Variants in UBR3 observed in about 807,000 individuals in gnomAD.
UBR3 encodes E3 ubiquitin-protein ligase UBR3.
UBR3 carries 85 observed loss-of-function variants against 243.2 expected under a neutral mutation model. The ratio of observed to expected loss-of-function variants is 0.35; its 90% CI spans 0.29 to 0.42. The LOEUF (loss-of-function observed/expected upper bound fraction) is 0.42. UBR3 is among the 10% of genes least tolerant of loss of function. The pLI is 1.00. For synonymous variants in UBR3, 748 were observed against 799.8 expected, an observed-to-expected ratio of 0.94 and a Z score of 1.09; for missense variants, 1,686 against 2,300.8, an observed-to-expected ratio of 0.73 and a Z score of 5.47.
intron 19 of UBR3, among the ~76,000 whole-genome samples, chr2:169,940,388 T>TA (rs1439486031): frequency 6.6e-6 from 1 of 152,192 alleles, no homozygotes; most frequent in Non-Finnish European, 1.5e-5. Context: ...CATAGCGCCT[T>TA]AAAATGTCTG....
At chr2:169,964,521 G>A (rs1247553281) in intron 24 of UBR3, 15 of 458,966 alleles carry the variant, frequency 3.3e-5, no homozygotes, top group South Asian at 1.6e-4. Flanking sequence ...AAGGAGGAAA[G>A]AATGGATGGA....
intron 36 of UBR3, among the ~76,000 whole-genome samples, chr2:170,073,975 G>T (rs2091753425): frequency 6.6e-6 from 1 of 152,098 alleles, no homozygotes; most frequent in Non-Finnish European, 1.5e-5. Context: ...AAATCTAAAA[G>T]GTCATGTCTT....
intron 1 of UBR3, among the ~76,000 whole-genome samples, chr2:169,869,857 A>T (rs1218188659): frequency 6.6e-6 from 1 of 152,094 alleles, no homozygotes; most frequent in Non-Finnish European, 1.5e-5. Flanking sequence ...TTTCTGTTGA[A>T]TTCCTTTATT....
At chr2:170,053,322 T>A (rs1449717987) in intron 32 of UBR3, among the ~76,000 whole-genome samples, 2 of 152,236 alleles carry the variant, frequency 1.3e-5, no homozygotes, top group Admixed American at 1.3e-4. Flanking sequence ...AGTACCTGCA[T>A]GACCCCAGTA....
At chr2:170,053,779 G>C (rs2091275357) in intron 32 of UBR3, among the ~76,000 whole-genome samples, 1 of 152,216 alleles carries the variant, frequency 6.6e-6, no homozygotes, top group South Asian at 2.1e-4. Context: ...GCAAGTTTTT[G>C]ACTCCAGCAA....
chr2:169,865,814 C>G (rs982374259), intron 1 of UBR3, among the ~76,000 whole-genome samples: 1 of 152,158 alleles, frequency 6.6e-6, no homozygotes, highest in African/African-American at 2.4e-5. Context: ...TCACAACTAG[C>G]TCTCTAATCT....
intron 33 of UBR3, 110 bp downstream of exon 33, chr2:170,055,694 T>G: frequency 7.2e-7 from 1 of 1,380,922 alleles, no homozygotes; most frequent in African/African-American, 1.5e-5. Flanking sequence ...GTATTTTAAT[T>G]GTAAATTGAG....
intron 2 of UBR3, among the ~76,000 whole-genome samples, chr2:169,875,279 G>T (rs2083564542): frequency 6.6e-6 from 1 of 152,038 alleles, no homozygotes; most frequent in African/African-American, 2.4e-5. Flanking sequence ...ATGATCTTAT[G>T]ATGACATTTA....
chr2:170,044,505 C>T (rs902422920), intron 32 of UBR3, among the ~76,000 whole-genome samples: 3 of 152,066 alleles, frequency 2.0e-5, no homozygotes, highest in Non-Finnish European at 4.4e-5. Flanking sequence ...TAATACCCAT[C>T]ACATCACTGG....
chr2:170,079,701 A>G, intron 36 of UBR3, 113 bp from the exon 37 acceptor site: 1 of 904,232 alleles, frequency 1.1e-6, no homozygotes, highest in Non-Finnish European at 1.6e-6. Flanking sequence ...TAAAGAAAAT[A>G]AGCCACATTC....
chr2:169,834,761 C>T (rs900883120), intron 1 of UBR3, among the ~76,000 whole-genome samples: 2 of 152,136 alleles, frequency 1.3e-5, no homozygotes, highest in African/African-American at 4.8e-5. Context: ...AAACATAACT[C>T]AAATGTCCAT....
chr2:169,924,593 C>A (rs376792425), intron 13 of UBR3, among the ~76,000 whole-genome samples: 8 of 152,142 alleles, frequency 5.3e-5, no homozygotes, highest in African/African-American at 1.4e-4. Flanking sequence ...ACTGTGATTT[C>A]TTTTAATACC....
At chr2:169,979,715 A>G (rs1169082797) in intron 24 of UBR3, among the ~76,000 whole-genome samples, 1 of 152,218 alleles carries the variant, frequency 6.6e-6, no homozygotes, top group Non-Finnish European at 1.5e-5. Flanking sequence ...TAGAGACAGT[A>G]AATAGATCAC....
intron 1 of UBR3, among the ~76,000 whole-genome samples, chr2:169,841,077 G>A (rs933931603): frequency 1.3e-5 from 2 of 152,170 alleles, no homozygotes; most frequent in Admixed American, 1.3e-4. Flanking sequence ...CTGTCTTGAC[G>A]AAACAGTCAC....
intron 1 of UBR3, among the ~76,000 whole-genome samples, chr2:169,835,269 AT>A (rs1271667694): frequency 6.6e-6 from 1 of 151,794 alleles, no homozygotes; most frequent in African/African-American, 2.4e-5. Flanking sequence ...AGTTGGGAGT[AT>A]TGCTTGAGGC....
intron 3 of UBR3, 110 bp from the exon 4 acceptor site, chr2:169,877,384 C>T (rs989279126): frequency 1.1e-6 from 1 of 950,938 alleles, no homozygotes; most frequent in East Asian, 2.8e-5. Context: ...CATTCTAGGG[C>T]TCCCACTCCA....
chr2:170,039,142 A>T (rs540554030), intron 31 of UBR3, among the ~76,000 whole-genome samples: 92 of 152,326 alleles, frequency 6.0e-4, no homozygotes, highest in African/African-American at 2.1e-3. Context: ...TCAGAGGAAG[A>T]TGAACCTGTG....
At chr2:170,023,685 C>T (rs2090451492) in intron 30 of UBR3, among the ~76,000 whole-genome samples, 1 of 151,524 alleles carries the variant, frequency 6.6e-6, no homozygotes, top group East Asian at 1.9e-4. Flanking sequence ...CTCTGTCTCC[C>T]GGATTCAAGC....
chr2:170,002,007 T>C (rs2089731799), intron 27 of UBR3, among the ~76,000 whole-genome samples: 1 of 151,018 alleles, frequency 6.6e-6, no homozygotes, highest in Non-Finnish European at 1.5e-5. Context: ...TTTGCTACTC[T>C]CTCTGAAATA....
Sources: gnomAD v4.1 joint callset for allele counts (sites outside exome capture counted in the v4.1 genomes callset) on GRCh38, gnomAD v4.1.1 for gene constraint, MANE v1.5 for transcripts, NCBI Gene and HGNC (gene_info 2026-07-23, HGNC 2026-07-21) for gene names.